RGS7: variants seen among roughly 807,000 people sequenced by gnomAD.
The protein encoded by RGS7 is regulator of G-protein signaling 7.
A neutral mutation model predicts 81.1 loss-of-function variants in RGS7; 27 were observed. The observed-to-expected ratio is 0.33, with a 90% CI of 0.25 to 0.46. RGS7 has a LOEUF of 0.46. Ranked by LOEUF, RGS7 falls within the 20% of genes least tolerant of loss-of-function variation. RGS7 has a pLI of 1.00. For missense variants in RGS7, 396 were observed against 607.4 expected (o/e 0.65, Z 3.66); for synonymous variants, 208 against 207.7 (o/e 1.00, Z -0.01).
intron 2 of RGS7, among the ~76,000 whole-genome samples, chr1:241,289,775 T>C (rs529109623): frequency 6.6e-6 from 1 of 152,128 alleles, no homozygotes; most frequent in East Asian, 1.9e-4. Context: ...CTCAAACAAT[T>C]GGTGCTTGAA....
rs1476857256 is a variant in RGS7, at chr1:240,983,139, G to A, written c.176-10C>T. On this transcript the variant is annotated splice_polypyrimidine_tract_variant and intron_variant, in intron 3 of 18. Coordinates refer to ENST00000440928, the MANE Select transcript of RGS7 (RefSeq NM_001364886.1). ...TGAACAATGTCTGAACCTAGAAAAAGAAAAAAGAAAAACACAAACAGATGT... is the reference window on the plus strand; with the variant it reads ...TGAACAATGTCTGAACCTAGAAAAAAAAAAAAGAAAAACACAAACAGATGT... 2 of 1,432,174 alleles carry A rather than the reference G, an allele frequency of 1.4e-6. No homozygotes were observed. The highest frequency in any genetic ancestry group is 1.9e-6 in the Non-Finnish European group (2 of 1,034,770). The allele number at this position is 1,432,174 out of a possible 1,614,324, so 88.7% of individuals were successfully genotyped here.
At chr1:241,055,594 C>T (rs889378953) in intron 3 of RGS7, among the ~76,000 whole-genome samples, 7 of 152,212 alleles carry the variant, frequency 4.6e-5, no homozygotes, top group Admixed American at 1.3e-4. Flanking sequence ...TAGGGTGAGA[C>T]AGGCAGGAAG....
At chr1:241,328,461 G>A (rs1445428891) in intron 2 of RGS7, among the ~76,000 whole-genome samples, 2 of 152,186 alleles carry the variant, frequency 1.3e-5, no homozygotes, top group African/African-American at 2.4e-5. Context: ...TCCTAACATG[G>A]GATTCATATC....
intron 6 of RGS7, among the ~76,000 whole-genome samples, chr1:240,919,243 A>G (rs1673091123): frequency 6.6e-6 from 1 of 152,118 alleles, no homozygotes; most frequent in East Asian, 1.9e-4. Flanking sequence ...GGCCAGCATT[A>G]CTCTAATACC....
At chr1:241,180,733 A>G (rs951893006) in intron 2 of RGS7, among the ~76,000 whole-genome samples, 1 of 152,224 alleles carries the variant, frequency 6.6e-6, no homozygotes, top group African/African-American at 2.4e-5. Context: ...AGGGTTTCAG[A>G]ACTCCTGACT....
chr1:240,828,354 A>G (rs1404025203), intron 9 of RGS7, among the ~76,000 whole-genome samples: 1 of 152,224 alleles, frequency 6.6e-6, no homozygotes, highest in Non-Finnish European at 1.5e-5. Flanking sequence ...CAGAGAAGAC[A>G]GGAGATTCAA....
At chr1:241,055,670 T>C (rs565914502) in intron 3 of RGS7, among the ~76,000 whole-genome samples, 2 of 152,322 alleles carry the variant, frequency 1.3e-5, no homozygotes, top group African/African-American at 4.8e-5. Context: ...TATTCAGCTA[T>C]CCAGGAGCTA....
In RGS7 at chr1:240,957,387, G is replaced by A. The variant is rs934968129; in HGVS notation, c.227-20681C>T. On this transcript the variant is annotated intron_variant, in intron 4 of 18. Coordinates refer to ENST00000440928, the MANE Select transcript of RGS7 (RefSeq NM_001364886.1). Reference sequence around the variant, plus strand: ...CCTCCTTTTGAGGCTTTGTGACTCCGACTGAGCCACTACTGGCTTCCTTGC... The same window carrying A: ...CCTCCTTTTGAGGCTTTGTGACTCCAACTGAGCCACTACTGGCTTCCTTGC... 2.0e-5 allele frequency among the ~76,000 whole-genome samples: 3 copies of A among 152,264 alleles called. No homozygotes were observed. In the East Asian group the frequency reaches 5.8e-4, roughly 29 times the overall value.
intron 2 of RGS7, among the ~76,000 whole-genome samples, chr1:241,112,875 T>C (rs753848152): frequency 4.9e-4 from 74 of 152,328 alleles, no homozygotes; most frequent in Admixed American, 1.0e-3. Flanking sequence ...CACCGAACAA[T>C]TAGTTTTAAA....
intron 6 of RGS7, among the ~76,000 whole-genome samples, chr1:240,928,620 T>G (rs1011260249): frequency 1.3e-5 from 2 of 149,710 alleles, no homozygotes; most frequent in African/African-American, 4.9e-5. Context: ...TTTTTTTTTT[T>G]TTTTTTTAGA....
intron 2 of RGS7, among the ~76,000 whole-genome samples, chr1:241,135,245 T>C (rs1030678309): frequency 1.3e-5 from 2 of 152,052 alleles, no homozygotes; most frequent in African/African-American, 4.8e-5. Context: ...GCTAACACGG[T>C]GAAACCCTGT....
intron 2 of RGS7, among the ~76,000 whole-genome samples, chr1:241,348,198 T>C (rs577672542): frequency 2.0e-5 from 3 of 152,364 alleles, no homozygotes; most frequent in African/African-American, 7.2e-5. Flanking sequence ...GCAGTGAGCA[T>C]ATAGAACATT....
chr1:241,270,512 A>C (rs1404788928), intron 2 of RGS7, among the ~76,000 whole-genome samples: 1 of 152,218 alleles, frequency 6.6e-6, no homozygotes, highest in Non-Finnish European at 1.5e-5. Flanking sequence ...GACAAAATTT[A>C]AGCCATATTC....
At chr1:241,226,653 G>A (rs2075326387) in intron 2 of RGS7, among the ~76,000 whole-genome samples, 1 of 152,182 alleles carries the variant, frequency 6.6e-6, no homozygotes, top group Non-Finnish European at 1.5e-5. Flanking sequence ...AGAAGAAATA[G>A]TACTAGGAAT....
intron 2 of RGS7, among the ~76,000 whole-genome samples, chr1:241,132,924 G>A (rs372541121): frequency 9.7e-4 from 147 of 151,984 alleles, no homozygotes; most frequent in African/African-American, 3.0e-3. Flanking sequence ...CACCAAGCCC[G>A]GCTAATTTTT....
intron 2 of RGS7, among the ~76,000 whole-genome samples, chr1:241,170,950 A>T (rs1297752168): frequency 3.3e-5 from 5 of 152,194 alleles, no homozygotes; most frequent in African/African-American, 1.2e-4. Flanking sequence ...TGGTGATAGG[A>T]GTAATCTAAT....
intron 3 of RGS7, among the ~76,000 whole-genome samples, chr1:241,028,100 C>T (rs182747697): frequency 2.7e-4 from 41 of 152,258 alleles, no homozygotes; most frequent in Admixed American, 2.4e-3. Context: ...AAATGAAGAT[C>T]GGGACAGCAG....
chr1:241,336,651 T>C (rs2082262895), intron 2 of RGS7, among the ~76,000 whole-genome samples: 2 of 152,222 alleles, frequency 1.3e-5, no homozygotes, highest in East Asian at 1.9e-4. Flanking sequence ...GAAACTCTTT[T>C]CTTTCTTAGG....
intron 2 of RGS7, among the ~76,000 whole-genome samples, chr1:241,155,948 A>G (rs1373526694): frequency 2.0e-5 from 3 of 152,118 alleles, no homozygotes; most frequent in Admixed American, 2.0e-4. Context: ...TGACTAGATA[A>G]AATTATAGTA....
Sources: gnomAD v4.1 joint callset for allele counts (sites outside exome capture counted in the v4.1 genomes callset) on GRCh38, gnomAD v4.1.1 for gene constraint, MANE v1.5 for transcripts, NCBI Gene and HGNC (gene_info 2026-07-23, HGNC 2026-07-21) for gene names.